The following DAB1 variants were observed in gnomAD, a reference collection of about 807,000 sequenced individuals.
DAB1 encodes the protein DAB adaptor protein 1.
A neutral mutation model predicts 64.6 loss-of-function variants in DAB1; 15 were observed. The ratio of observed to expected loss-of-function variants is 0.23; its 90% CI spans 0.16 to 0.36. DAB1 has a LOEUF of 0.36. Among genes scored for constraint, DAB1 ranks in the 10% least tolerant of loss-of-function variants. DAB1 has a pLI of 1.00. For synonymous variants in DAB1, 235 were observed against 251.9 expected (o/e 0.93, Z 0.64); for missense variants, 596 against 706.7 (o/e 0.84, Z 1.78).
intron 7 of DAB1, among the ~76,000 whole-genome samples, chr1:57,604,479 C>T (rs762078284): frequency 1.3e-5 from 2 of 151,948 alleles, no homozygotes; most frequent in Non-Finnish European, 2.9e-5. Context: ...GTCACAGTTT[C>T]CTGGTTAGTT....
At chr1:57,850,191 T>C (rs1653455501) in intron 1 of DAB1, among the ~76,000 whole-genome samples, 1 of 152,178 alleles carries the variant, frequency 6.6e-6, no homozygotes, top group Non-Finnish European at 1.5e-5. Flanking sequence ...ATGGAAAGAA[T>C]GTAGGCTTGG....
chr1:58,192,562 C>T (rs1044649986), intron 4 of DAB1, among the ~76,000 whole-genome samples: 6 of 152,164 alleles, frequency 3.9e-5, no homozygotes, highest in African/African-American at 1.4e-4. Flanking sequence ...TAACGGTCTC[C>T]AGTTCCATCC....
upstream of DAB1, among the ~76,000 whole-genome samples, chr1:57,888,422 C>G (rs1049941014): frequency 6.6e-6 from 1 of 152,144 alleles, no homozygotes; most frequent in Admixed American, 6.5e-5. Context: ...CCCAGGGCAC[C>G]TTCCATTGTG....
chr1:58,209,127 T>C (rs572888), intron 4 of DAB1, among the ~76,000 whole-genome samples: 124,943 of 152,104 alleles, frequency 0.82, 51,655 homozygotes, highest in South Asian at 0.88. Context: ...GAACATTAAA[T>C]AATGTGGGGA....
At chr1:57,262,734 TC>T (rs1377285936) in intron 2 of DAB1, among the ~76,000 whole-genome samples, 1 of 152,176 alleles carries the variant, frequency 6.6e-6, no homozygotes, top group Non-Finnish European at 1.5e-5. Flanking sequence ...ATCAAGAGCA[TC>T]CCAGAGCCTC....
intron 7 of DAB1, among the ~76,000 whole-genome samples, chr1:57,469,358 C>T (rs923980055): frequency 3.3e-5 from 5 of 152,146 alleles, no homozygotes; most frequent in African/African-American, 7.2e-5. Context: ...GGCTGGCTTC[C>T]AGTCACATTT....
intron 1 of DAB1, among the ~76,000 whole-genome samples, chr1:57,296,198 A>C (rs546514101): frequency 6.6e-6 from 1 of 152,322 alleles, no homozygotes; most frequent in East Asian, 1.9e-4. Context: ...ATGTTAAAAT[A>C]GGGAAAGGAA....
At position 58,459,490 on chromosome 1, in the gene DAB1, C is replaced by T. The variant is rs543384900; in HGVS notation, n.257+46570G>A. Reference sequence around the variant, plus strand: ...TCATCCTGGATCTTTACCACATGGGCGTCTACACAAGGCTCTCCAAGTACT... The same window carrying T: ...TCATCCTGGATCTTTACCACATGGGTGTCTACACAAGGCTCTCCAAGTACT... On this transcript the variant is annotated intron_variant and non_coding_transcript_variant, in intron 3 of 20. Coordinates refer to the DAB1 transcript ENST00000485760. Among the ~76,000 whole-genome samples the T allele has an allele frequency of 5.9e-5, 9 of 152,186 alleles. No homozygotes were observed. The South Asian group carries it at 1.7e-3, about 28-fold the overall frequency.
In DAB1 at chr1:57,922,411, G is replaced by C. The variant is rs562734352; in HGVS notation, n.388-38249C>G. The stretch of plus-strand genomic sequence containing the variant: ...GAAGAAAGGAGGGGAAGAAGGAAGG[G>C]AGGAAGTTTAGGAATCATTGTACAA... On this transcript the variant is annotated intron_variant and non_coding_transcript_variant, in intron 5 of 20. Transcript: ENST00000485760. Among the ~76,000 whole-genome samples, 5 of 152,112 alleles carry C rather than the reference G, an allele frequency of 3.3e-5. No homozygotes were observed. In the South Asian group the frequency reaches 1.0e-3, roughly 32 times the overall value.
At chr1:58,300,610 A>AGAGAG (rs1662117104) in intron 4 of DAB1, among the ~76,000 whole-genome samples, 2 of 47,008 alleles carry the variant, frequency 4.3e-5, no homozygotes, top group African/African-American at 1.4e-4. Context: ...GAAAGAAAGA[A>AGAGAG]AGAGAGAGAG....
chr1:58,107,040 G>A (rs1359518315), intron 5 of DAB1, among the ~76,000 whole-genome samples: 1 of 151,670 alleles, frequency 6.6e-6, no homozygotes, highest in Non-Finnish European at 1.5e-5. Flanking sequence ...AGATTAAAGG[G>A]TGTTAATAAC....
chr1:57,511,478 C>T (rs1644404780), intron 7 of DAB1, among the ~76,000 whole-genome samples: 1 of 152,202 alleles, frequency 6.6e-6, no homozygotes, highest in Admixed American at 6.5e-5. Flanking sequence ...CTTAATCATA[C>T]CTAAAATAAT....
chr1:57,487,472 C>T (rs963557019), intron 7 of DAB1, among the ~76,000 whole-genome samples: 9 of 152,222 alleles, frequency 5.9e-5, no homozygotes, highest in South Asian at 2.1e-4. Context: ...CCCAGACCTT[C>T]CCTCTGTTTC....
In DAB1 at chr1:58,449,549, C is replaced by T. The variant is rs147059056; in HGVS notation, n.257+56511G>A. On this transcript the variant is annotated intron_variant and non_coding_transcript_variant, in intron 3 of 20. Coordinates refer to the DAB1 transcript ENST00000485760. The stretch of plus-strand genomic sequence containing the variant: ...GGATGACCTTGGAGGAGTCCTCGTG[C>T]TCCACTCTAGGATTGTGTTCAGTCA... 1.0e-3 allele frequency among the ~76,000 whole-genome samples: 158 copies of T among 152,338 alleles called. 1 individual carries two copies. The highest frequency in any genetic ancestry group is 3.8e-3 in the African/African-American group (158 of 41,564).
chr1:58,302,183 C>A (rs775932158), intron 4 of DAB1, among the ~76,000 whole-genome samples: 2 of 152,146 alleles, frequency 1.3e-5, no homozygotes, highest in Non-Finnish European at 2.9e-5. Context: ...CAAAATTAAT[C>A]TCTCCTCATT....
chr1:57,736,464 G>T (rs1647697863), intron 6 of DAB1, among the ~76,000 whole-genome samples: 2 of 152,286 alleles, frequency 1.3e-5, no homozygotes, highest in South Asian at 2.1e-4. Context: ...AAATTGATTG[G>T]ATTTGGAATC....
intron 5 of DAB1, among the ~76,000 whole-genome samples, chr1:57,890,313 T>C (rs913481142): frequency 2.0e-5 from 3 of 152,096 alleles, no homozygotes; most frequent in Non-Finnish European, 4.4e-5. Flanking sequence ...TGTGGATAAA[T>C]TGAGAAAAGA....
chr1:58,409,351 A>G (rs910519403), intron 3 of DAB1, among the ~76,000 whole-genome samples: 1 of 152,208 alleles, frequency 6.6e-6, no homozygotes, highest in African/African-American at 2.4e-5. Flanking sequence ...TTCTGCTCAA[A>G]AAAATAAACA....
intron 1 of DAB1, among the ~76,000 whole-genome samples, chr1:57,386,415 G>A (rs1221947259): frequency 6.7e-6 from 1 of 149,892 alleles, no homozygotes; most frequent in Non-Finnish European, 1.5e-5. Flanking sequence ...CATAAACACG[G>A]GACAGAATCC....
Sources: gnomAD v4.1 joint callset for allele counts (sites outside exome capture counted in the v4.1 genomes callset) on GRCh38, gnomAD v4.1.1 for gene constraint, MANE v1.5 for transcripts, NCBI Gene and HGNC (gene_info 2026-07-23, HGNC 2026-07-21) for gene names.